Variants in MAGOH observed in about 807,000 individuals in gnomAD.
MAGOH encodes mago homolog, exon junction complex subunit, also known as protein mago nashi homolog.
MAGOH carries 3 observed loss-of-function variants against 20.9 expected under a neutral mutation model. That is an observed-to-expected ratio of 0.14 (90% confidence interval 0.07 to 0.37). MAGOH has a LOEUF of 0.37. Ranked by LOEUF, MAGOH falls within the 10% of genes least tolerant of loss-of-function variation. The pLI, the probability that MAGOH is intolerant of heterozygous loss-of-function variation, is 1.00. For missense variants in MAGOH, 66 were observed against 178.1 expected (o/e 0.37, Z 3.58); for synonymous variants, 51 against 61.0 (o/e 0.84, Z 0.76).
chr1:53,234,042 C>T (rs759070456), intron 2 of MAGOH: 18 of 180,244 alleles, frequency 1.0e-4, no homozygotes, highest in Non-Finnish European at 1.8e-4. Flanking sequence ...GAGATAGGGC[C>T]TTTAGGAGGT....
chr1:53,238,163 TG>T (rs1645623146), intron 1 of MAGOH, among the ~76,000 whole-genome samples, 197 bp downstream of exon 1: 2 of 152,172 alleles, frequency 1.3e-5, no homozygotes, highest in African/African-American at 4.8e-5. Context: ...TGGCACACAG[TG>T]GGCGTTCAGT....
At chr1:53,229,041 A>C in intron 3 of MAGOH, 87 bp from the exon 4 acceptor site, 1 of 882,880 alleles carries the variant, frequency 1.1e-6, no homozygotes, top group Non-Finnish European at 1.9e-6. Context: ...CAAATCACAC[A>C]AACTTGACTA....
At chr1:53,229,347 C>T (rs974164721) in intron 3 of MAGOH, among the ~76,000 whole-genome samples, 2 of 151,938 alleles carry the variant, frequency 1.3e-5, no homozygotes, top group Non-Finnish European at 2.9e-5. Flanking sequence ...TACAGGTGCC[C>T]GCCACCACGC....
chr1:53,237,231 G>A (rs936855828), intron 1 of MAGOH, among the ~76,000 whole-genome samples: 1 of 150,790 alleles, frequency 6.6e-6, no homozygotes, highest in African/African-American at 2.4e-5. Flanking sequence ...TTACAGGCTT[G>A]AGCCACCGCG....
At chr1:53,236,471 C>A (rs1287965263) in intron 1 of MAGOH, among the ~76,000 whole-genome samples, 1 of 152,196 alleles carries the variant, frequency 6.6e-6, no homozygotes, top group Non-Finnish European at 1.5e-5. Context: ...CAATATTCTT[C>A]TCTCACACAG....
chr1:53,228,407 G>A (rs969371005), intron 4 of MAGOH, among the ~76,000 whole-genome samples: 14 of 152,160 alleles, frequency 9.2e-5, no homozygotes, highest in African/African-American at 3.4e-4. Context: ...ACTCCAGTCC[G>A]GGTGACAGTG....
intron 3 of MAGOH, among the ~76,000 whole-genome samples, chr1:53,232,250 A>C (rs1645589683): frequency 6.6e-6 from 1 of 152,208 alleles, no homozygotes; most frequent in African/African-American, 2.4e-5. Context: ...TCATTTTGAG[A>C]TTATTAGGAA....
chr1:53,229,489 G>C (rs1239747446), intron 3 of MAGOH, among the ~76,000 whole-genome samples: 1 of 152,150 alleles, frequency 6.6e-6, no homozygotes, highest in African/African-American at 2.4e-5. Flanking sequence ...CCTGACCTCA[G>C]GTGATCCGCC....
At chr1:53,236,100 T>C (rs1324172123) in intron 1 of MAGOH, among the ~76,000 whole-genome samples, 1 of 152,252 alleles carries the variant, frequency 6.6e-6, no homozygotes, top group South Asian at 2.1e-4. Flanking sequence ...CTTTTATCAC[T>C]GAGCACATTT....
At chr1:53,238,065 T>C (rs1645622073) in intron 1 of MAGOH, among the ~76,000 whole-genome samples, 1 of 152,178 alleles carries the variant, frequency 6.6e-6, no homozygotes, top group South Asian at 2.1e-4. Context: ...TTGTTTATGA[T>C]CTCTCTCCCG....
chr1:53,234,560 C>A (rs1645602674), intron 2 of MAGOH, among the ~76,000 whole-genome samples: 1 of 151,756 alleles, frequency 6.6e-6, no homozygotes, highest in Non-Finnish European at 1.5e-5. Context: ...ATTTTCAGTA[C>A]AGACAGGGCT....
chr1:53,231,594 C>T (rs1468098895), intron 3 of MAGOH, among the ~76,000 whole-genome samples: 2 of 152,194 alleles, frequency 1.3e-5, no homozygotes, highest in South Asian at 2.1e-4. Context: ...AAGTCCACCT[C>T]TGTAGCACAC....
chr1:53,227,541 GTT>G (rs1557726836), intron 4 of MAGOH, among the ~76,000 whole-genome samples: 1 of 151,732 alleles, frequency 6.6e-6, no homozygotes, highest in East Asian at 1.9e-4. Flanking sequence ...TTTTTGTTTT[GTT>G]TTGTTTTGTT....
intron 3 of MAGOH, among the ~76,000 whole-genome samples, chr1:53,232,078 T>G (rs1307035529): frequency 6.6e-6 from 1 of 152,198 alleles, no homozygotes; most frequent in Non-Finnish European, 1.5e-5. Context: ...TTTACAGAAT[T>G]GTTGTGATGG....
intron 2 of MAGOH, among the ~76,000 whole-genome samples, chr1:53,234,575 C>T (rs1332924043): frequency 6.6e-6 from 1 of 151,904 alleles, no homozygotes; most frequent in Non-Finnish European, 1.5e-5. Context: ...AGGGCTTCAC[C>T]GTATTAGCCA....
In MAGOH at chr1:53,238,499, C is replaced by T. The variant is rs754085362; in HGVS notation, c.-51G>A. 4.0e-6 allele frequency: 6 copies of T among 1,515,166 alleles called. 1 individual carries two copies. In the South Asian group the frequency reaches 5.6e-5, roughly 14 times the overall value. 93.9% of individuals were successfully genotyped at this position (1,515,166 alleles called of 1,614,324 possible). A position where few individuals can be genotyped will look rare whatever the true frequency, so the allele number is the denominator to read the frequency against. On this transcript the variant is annotated 5_prime_UTR_variant, in exon 1 of 5. Coordinates refer to ENST00000371470, the MANE Select transcript of MAGOH (RefSeq NM_002370.4). ...AACTTCCAAGAGCAAGCCGCACTGC[C>T]GCCGTCTGCGCCCGACACTGACGTT...
intron 2 of MAGOH, 119 bp downstream of exon 2, chr1:53,235,458 A>C: frequency 1.2e-6 from 1 of 819,578 alleles, no homozygotes; most frequent in South Asian, 1.6e-5. Flanking sequence ...CTGTCTACAG[A>C]CATGTGTCTC....
At chr1:53,232,396 T>C (rs1212043326) in intron 3 of MAGOH, among the ~76,000 whole-genome samples, 3 of 151,824 alleles carry the variant, frequency 2.0e-5, no homozygotes, top group Admixed American at 6.6e-5. Flanking sequence ...TTTTAGACAA[T>C]AGCAAGTGCT....
At chr1:53,237,335 C>A (rs908090740) in intron 1 of MAGOH, among the ~76,000 whole-genome samples, 5 of 151,768 alleles carry the variant, frequency 3.3e-5, no homozygotes, top group African/African-American at 1.2e-4. Context: ...ACCCAATAAC[C>A]AGAATGCTTT....
Sources: allele counts gnomAD v4.1 joint callset (sites outside exome capture counted in the v4.1 genomes callset), GRCh38; gene constraint gnomAD v4.1.1; transcripts MANE v1.5; gene names NCBI Gene and HGNC (gene_info 2026-07-23, HGNC 2026-07-21).